The following IRF7 variants were observed in gnomAD, a reference collection of about 807,000 sequenced individuals.
IRF7 encodes interferon regulatory factor-7H.
Under a neutral mutation model 51.3 loss-of-function variants are expected in IRF7, and 67 were observed. That is an observed-to-expected ratio of 1.31 (90% CI 1.07 to 1.60). IRF7 has a LOEUF of 1.60. Among genes scored for constraint, IRF7 ranks in the 40% most tolerant of loss-of-function variants. IRF7 has a pLI of 0.00. For synonymous variants in IRF7, 427 were observed against 301.3 expected, an observed-to-expected ratio of 1.42 and a Z score of -4.32; for missense variants, 873 against 701.5, an observed-to-expected ratio of 1.24 and a Z score of -2.76.
rs949152008 is a variant in IRF7 at position 613,826 on chromosome 11, G to C, written c.806C>G (p.Pro269Arg). Residue 269 changes from proline to arginine, a missense_variant, in exon 8 of 11, where the codon CCG becomes CGG. Physicochemically the swap from Pro to Arg is moderately radical, Grantham distance 103. Transcript: ENST00000525445. Reference protein sequence around the residue: ...AAPESPHQAEPYLSPSPSACT... With the variant: ...AAPESPHQAERYLSPSPSACT... ...GGCGCTTGGGGAGGGTGACAGGTAC[G>C]GCTCTGCCTGGTGCGGGGACTCTGG... 9.5e-6 allele frequency: 15 copies of C among 1,587,126 alleles called. No individual in the cohort carries two copies. In the South Asian group the frequency reaches 1.6e-4, roughly 17 times the overall value.
Position 614,934 on chromosome 11 carries a change from G to A in IRF7, c.257C>T (p.Ala86Val), listed in dbSNP as rs771414323. ...GGGPPPEAET[A>V]ERAGWKTNFR... ...GTTGGTTTTCCAGCCGGCGCGCTCCGCAGTCTCAGCCTCGGGGGGCGGGCC... is the reference window on the plus strand; with the variant it reads ...GTTGGTTTTCCAGCCGGCGCGCTCCACAGTCTCAGCCTCGGGGGGCGGGCC... The change falls in exon 4 of 11, where the codon GCG becomes GTG. Residue 86 changes from alanine (A) to valine (V), a missense_variant. By Grantham distance (64) the Ala-to-Val change is moderately conservative. Transcript: ENST00000525445. The A allele has an allele frequency of 2.5e-5, 39 of 1,579,974 alleles. No individual in the cohort carries two copies. In the Admixed American group the frequency reaches 4.1e-4, roughly 16 times the overall value.
Position 612,588 on chromosome 11 carries a change from C to T in IRF7, c.*57G>A, listed in dbSNP as rs1360013418. Reference sequence around the variant, plus strand: ...AGTTCTTTTTATTAGACTGGGCGGCCGCGGCCAGCTCTAGGTGGGCTGCTC... The same window carrying T: ...AGTTCTTTTTATTAGACTGGGCGGCTGCGGCCAGCTCTAGGTGGGCTGCTC... On this transcript the variant is annotated 3_prime_UTR_variant, in exon 11 of 11. Coordinates refer to ENST00000525445, the MANE Select transcript of IRF7 (RefSeq NM_001572.5). The T allele has an allele frequency of 1.6e-5, 25 of 1,594,560 alleles. No individual in the cohort carries two copies. The highest frequency in any genetic ancestry group is 1.7e-4 in the Middle Eastern group (1 of 6,010).
rs371452982 is a variant in IRF7, at chr11:613,235, G to T, written c.1208C>A (p.Pro403His). Residue 403 changes from proline (P) to histidine (H), a missense_variant, in exon 9 of 11, where the codon CCC (proline) becomes CAC (histidine). Transcript: ENST00000525445. ...GAAGAAGACTCTGAAGTCGAAGATG[G>T]GGGTGTCACAGTTCCGAGGCAGCAG... ...ACLLPRNCDTPIFDFRVFFQE... is the reference protein window; with the variant it reads ...ACLLPRNCDTHIFDFRVFFQE... 6.3e-7 allele frequency: 1 copy of T among 1,592,444 alleles called. No individual in the cohort carries two copies. The highest frequency in any genetic ancestry group is 1.8e-5 in the Admixed American group (1 of 56,520).
chr11:615,424 C>T lies in IRF7; in HGVS notation c.-60G>A. The T allele has an allele frequency of 6.9e-7, 1 of 1,454,882 alleles. No individual in the cohort carries two copies. Among genetic ancestry groups the T allele is most frequent in the South Asian group, 1.4e-5 (1 of 70,206 alleles). 90.1% of individuals were successfully genotyped at this position (1,454,882 alleles called of 1,614,324 possible). A position where few individuals can be genotyped will look rare whatever the true frequency, so the allele number is the denominator to read the frequency against. On this transcript the variant is annotated 5_prime_UTR_variant, in exon 2 of 11. Transcript: ENST00000525445. Reference sequence around the variant, plus strand: ...GGTGTTATAACAGGGGAGGTAAGGGCTCCTGTCGCAGCAGACGCCAGGCCG... The same window carrying T: ...GGTGTTATAACAGGGGAGGTAAGGGTTCCTGTCGCAGCAGACGCCAGGCCG...
rs200122121 is a variant in IRF7, at chr11:615,379, G to A, written c.-15C>T. Reference sequence around the variant, plus strand: ...GCCAAGGCCATTGCTCCTTCTGCAGGGGCAGTTAGGTGGCGGTCAGGTGTT... The same window carrying A: ...GCCAAGGCCATTGCTCCTTCTGCAGAGGCAGTTAGGTGGCGGTCAGGTGTT... On this transcript the variant is annotated 5_prime_UTR_variant, in exon 2 of 11. Coordinates refer to ENST00000525445, the MANE Select transcript of IRF7 (RefSeq NM_001572.5). The A allele has an allele frequency of 2.3e-4, 342 of 1,493,270 alleles. 2 individuals carry two copies. The highest frequency in any genetic ancestry group is 2.8e-4 in the Non-Finnish European group (319 of 1,127,434). The allele number at this position is 1,493,270 out of a possible 1,614,324, so 92.5% of individuals were successfully genotyped here. A position where few individuals can be genotyped will look rare whatever the true frequency, so the allele number is the denominator to read the frequency against.
In IRF7 at chr11:614,224, G is replaced by A. The variant is rs202174691; in HGVS notation, c.629C>T (p.Ala210Val). ...SWGADPVPTKAPGEGQEGLPL... is the reference protein window; with the variant it reads ...SWGADPVPTKVPGEGQEGLPL... ...AAGCCCTTCTTGTCCCTCTCCAGGA[G>A]CCTTGGTTGGGACTGGATCTGCCCC... Residue 210 changes from alanine (A) to valine (V), a missense_variant, in exon 6 of 11, where the codon GCT becomes GTT. Transcript: ENST00000525445. 1.4e-4 allele frequency: 224 copies of A among 1,612,974 alleles called. No homozygotes were observed. Among genetic ancestry groups the A allele is most frequent in the Non-Finnish European group, 1.8e-4 (217 of 1,179,958 alleles).
intron 5 of IRF7, 25 bp downstream of exon 5, chr11:614,451 G>A: frequency 2.5e-6 from 4 of 1,574,280 alleles, no homozygotes; most frequent in Non-Finnish European, 3.4e-6. Context: ...CTGGCAGGAG[G>A]AGAGGCAGGC....
chr11:613,351 T>C lies in IRF7; in HGVS notation c.1092A>G (p.Pro364=), dbSNP rs1856558728. The C allele has an allele frequency of 6.2e-7, 1 of 1,611,232 alleles. No individual in the cohort carries two copies. The highest frequency in any genetic ancestry group is 1.1e-5 in the South Asian group (1 of 90,926). The change falls in exon 9 of 11, where the codon CCA becomes CCG. Residue 364 remains proline (P), a synonymous_variant. Coordinates refer to ENST00000525445, the MANE Select transcript of IRF7 (RefSeq NM_001572.5). ...TGCCCATGCGCCGGGCCCACAGCTG[T>C]GGCCCCCGAAGCTCCAGGTGCAACC... ...APGLHLELRG[P]QLWARRMGKC...
In IRF7 at chr11:613,798, G is replaced by A; in HGVS notation, c.834C>T (p.Cys278=). 1 of 1,568,958 alleles carries A rather than the reference G, an allele frequency of 6.4e-7. No individual in the cohort carries two copies. Among genetic ancestry groups the A allele is most frequent in the Non-Finnish European group, 8.6e-7 (1 of 1,166,216 alleles). Residue 278 remains cysteine, a synonymous_variant, in exon 8 of 11, where the codon TGC becomes TGT. Coordinates refer to ENST00000525445, the MANE Select transcript of IRF7 (RefSeq NM_001572.5). The stretch of plus-strand genomic sequence containing the variant: ...GGATGCACTCACCTTGCACCGCGGT[G>A]CAGGCGCTTGGGGAGGGTGACAGGT... The part of the protein sequence containing the change: ...EPYLSPSPSA[C]TAVQEPSPGA...
Position 615,226 on chromosome 11 carries a change from G to A in IRF7, c.54C>T (p.Leu18=). The A allele has an allele frequency of 3.8e-6, 6 of 1,594,062 alleles. No individual in the cohort carries two copies. Among genetic ancestry groups the A allele is most frequent in the Non-Finnish European group, 5.1e-6 (6 of 1,174,584 alleles). Residue 18 remains leucine (L), a synonymous_variant, in exon 3 of 11, where the codon CTC becomes CTT. Coordinates refer to ENST00000525445, the MANE Select transcript of IRF7 (RefSeq NM_001572.5). The part of the protein sequence containing the change: ...AAPRVLFGEW[L]LGEISSGCYE... ...AGCAGCCGCTGCTGATCTCTCCAAG[G>A]AGCCACTCTCCGAACAGCACGCGTG...
At position 615,498 on chromosome 11, in the gene IRF7, CTG is replaced by C; in HGVS notation, c.-136_-135del. On this transcript the variant is annotated 5_prime_UTR_variant, in exon 2 of 11. Transcript: ENST00000525445. ...TGTCACAGGTGTCCACAGGTGTGGA[CTG>C]AGGGCTTGTAGCCACCGACGCTGCC... 1 of 1,053,646 alleles carries C rather than the reference CTG, an allele frequency of 9.5e-7. No homozygotes were observed. The highest frequency in any genetic ancestry group is 1.3e-6 in the Non-Finnish European group (1 of 759,166). The allele number at this position is 1,053,646 out of a possible 1,614,324, so 65.3% of individuals were successfully genotyped here.
rs1856693756 is a variant in IRF7 at position 614,405 on chromosome 11, G to C, written c.454-6C>G. On this transcript the variant is annotated splice_polypyrimidine_tract_variant and splice_region_variant and intron_variant, in intron 5 of 10. Coordinates refer to ENST00000525445, the MANE Select transcript of IRF7 (RefSeq NM_001572.5). ...AATGGCCCTGGGGGCCCACCCTGCAGGGAAAAGTCAGGGTGAACGTAAGCA... is the reference window on the plus strand; with the variant it reads ...AATGGCCCTGGGGGCCCACCCTGCACGGAAAAGTCAGGGTGAACGTAAGCA... 1.3e-6 allele frequency: 2 copies of C among 1,598,114 alleles called. No individual in the cohort carries two copies. Among genetic ancestry groups the C allele is most frequent in the Non-Finnish European group, 1.7e-6 (2 of 1,172,840 alleles).
In IRF7 at chr11:614,543, G is replaced by C. The variant is rs932408706; in HGVS notation, c.395-9C>G. On this transcript the variant is annotated splice_polypyrimidine_tract_variant and intron_variant, in intron 4 of 10. Transcript: ENST00000525445. ...GTCCGTGCCTGGGCCTTCTGAGAGAGAATGGGGCAGGCGTTAGGCCCCGAC... is the reference window on the plus strand; with the variant it reads ...GTCCGTGCCTGGGCCTTCTGAGAGACAATGGGGCAGGCGTTAGGCCCCGAC... The C allele has an allele frequency of 1.9e-6, 3 of 1,551,888 alleles. No individual in the cohort carries two copies. Among genetic ancestry groups the C allele is most frequent in the Admixed American group, 3.9e-5 (2 of 51,068 alleles).
chr11:615,725 C>G (rs1299055781), intron 1 of IRF7, 78 bp from the exon 2 acceptor site: 3 of 321,766 alleles, frequency 9.3e-6, no homozygotes, highest in African/African-American at 6.4e-5. Context: ...GCGCTTCGCA[C>G]CCTCCTCGAT....
Position 613,946 on chromosome 11 carries a change from C to T in IRF7, c.766+5G>A. ...CCCAGGCCTCCCAACCCCTACCCCTCTCACCTGTCGTTAGTGCCGCGGGCT... is the reference window on the plus strand; with the variant it reads ...CCCAGGCCTCCCAACCCCTACCCCTTTCACCTGTCGTTAGTGCCGCGGGCT... On this transcript the variant is annotated splice_donor_5th_base_variant and intron_variant, in intron 7 of 10. Transcript: ENST00000525445. 1.2e-6 allele frequency: 2 copies of T among 1,606,376 alleles called. No homozygotes were observed. The highest frequency in any genetic ancestry group is 1.7e-6 in the Non-Finnish European group (2 of 1,177,810).
intron 4 of IRF7, 104 bp downstream of exon 4, chr11:614,693 C>A (rs1856715475): frequency 1.4e-6 from 2 of 1,402,052 alleles, no homozygotes; most frequent in African/African-American, 1.4e-5. Context: ...CTGCTGGCAG[C>A]CTCTCCCAGA....
At chr11:613,897 C>G (rs1387267640) in intron 7 of IRF7, 32 bp from the exon 8 acceptor site, 1 of 1,598,904 alleles carries the variant, frequency 6.3e-7, no homozygotes. Flanking sequence ...GTGCTGGCAC[C>G]TCATCCCTAG....
chr11:614,314 C>T lies in IRF7; in HGVS notation c.539G>A (p.Gly180Glu), dbSNP rs1564883613. The T allele has an allele frequency of 6.2e-7, 1 of 1,611,766 alleles. No homozygotes were observed. Among genetic ancestry groups the T allele is most frequent in the Non-Finnish European group, 8.5e-7 (1 of 1,179,516 alleles). ...TTGCACTGCCTGGAGCAGGAGGTCC[C>T]CCTTGTCACCAGCTGGGGCAGGGAG... ...GPLPAPAGDK[G>E]DLLLQAVQQS... Residue 180 changes from glycine to glutamate, a missense_variant, in exon 6 of 11, where the codon GGG (glycine) becomes GAG (glutamate). Transcript: ENST00000525445.
At position 612,781 on chromosome 11, in the gene IRF7, C is replaced by T. The variant is rs758231153; in HGVS notation, c.1376G>A (p.Arg459Gln). The change falls in exon 11 of 11, where the codon CGA (arginine) becomes CAA (glutamine). Residue 459 changes from arginine (R) to glutamine (Q), a missense_variant. By Grantham distance (43) the Arg-to-Gln change is conservative. Transcript: ENST00000525445. ...VLVKLEPWLC[R>Q]VHLEGTQREG... ...ACGCTGCGTGCCCTCTAGGTGCACT[C>T]GGCACAGCCAGGGTTCCAGCTGCCA... The T allele has an allele frequency of 1.6e-5, 26 of 1,610,822 alleles. No individual in the cohort carries two copies. Among genetic ancestry groups the T allele is most frequent in the South Asian group, 5.5e-5 (5 of 91,076 alleles).
Sources: allele counts gnomAD v4.1 joint callset, GRCh38; gene constraint gnomAD v4.1.1; transcripts MANE v1.5; gene names NCBI Gene and HGNC (gene_info 2026-07-23, HGNC 2026-07-21).